ADAM9: variants seen among roughly 807,000 people sequenced by gnomAD.
The protein encoded by ADAM9 is disintegrin and metalloproteinase domain-containing protein 9.
In ADAM9, 54 loss-of-function variants were observed where a neutral mutation model predicts 108.1. The ratio of observed to expected loss-of-function variants is 0.50; its 90% CI spans 0.40 to 0.63. The LOEUF is 0.63. ADAM9 is among the 20% of genes least tolerant of loss of function. The probability of loss-of-function intolerance (pLI) is 0.00; values close to 1 mark genes in which losing one functional copy is unlikely to be tolerated. For missense variants in ADAM9, 830 were observed against 997.7 expected, an observed-to-expected ratio of 0.83 and a Z score of 2.26; for synonymous variants, 316 against 336.0, an observed-to-expected ratio of 0.94 and a Z score of 0.65.
chr8:39,022,965 G>C (rs1453424415), intron 8 of ADAM9, among the ~76,000 whole-genome samples, 191 bp from the exon 9 acceptor site: 2 of 152,014 alleles, frequency 1.3e-5, no homozygotes, highest in African/African-American at 2.4e-5. Flanking sequence ...CAACTGCCTC[G>C]GCCTCCCAAA....
chr8:39,049,629 G>A (rs952778721), intron 12 of ADAM9, among the ~76,000 whole-genome samples: 3 of 151,754 alleles, frequency 2.0e-5, no homozygotes, highest in Non-Finnish European at 4.4e-5. Flanking sequence ...AGTGGAGATG[G>A]GGTTTTACCA....
intron 18 of ADAM9, among the ~76,000 whole-genome samples, chr8:39,087,659 G>A (rs950356801): frequency 6.6e-6 from 1 of 152,194 alleles, no homozygotes; most frequent in Non-Finnish European, 1.5e-5. Flanking sequence ...ATACATTTGT[G>A]TAATGCCACT....
At chr8:39,011,764 G>A in intron 3 of ADAM9, 48 bp downstream of exon 3, 1 of 1,505,234 alleles carries the variant, frequency 6.6e-7, no homozygotes, top group Non-Finnish European at 9.2e-7. Flanking sequence ...TTTTCCAATA[G>A]TATATTGGTT....
intron 11 of ADAM9, among the ~76,000 whole-genome samples, chr8:39,039,959 C>T (rs1837406841): frequency 6.6e-6 from 1 of 152,180 alleles, no homozygotes; most frequent in Non-Finnish European, 1.5e-5. Context: ...CTATTGTTTT[C>T]CACAGTGGCT....
At chr8:39,023,735 C>CGTTT in intron 9 of ADAM9, among the ~76,000 whole-genome samples, 1 of 133,752 alleles carries the variant, frequency 7.5e-6, no homozygotes, top group African/African-American at 2.9e-5. Flanking sequence ...GTTTCTTTTG[C>CGTTT]GTTTGTTTTT....
chr8:39,078,773 T>A (rs560288274), intron 16 of ADAM9, among the ~76,000 whole-genome samples: 7 of 152,098 alleles, frequency 4.6e-5, no homozygotes, highest in Non-Finnish European at 1.0e-4. Flanking sequence ...AAAGTGAGAC[T>A]CCCATCTAAA....
chr8:39,001,925 C>T (rs1836004982), intron 1 of ADAM9, among the ~76,000 whole-genome samples: 1 of 151,810 alleles, frequency 6.6e-6, no homozygotes, highest in Admixed American at 6.6e-5. Context: ...GCCTCGGCCT[C>T]CCAAAGTGCT....
At chr8:39,070,287 T>G (rs1838642231) in intron 14 of ADAM9, among the ~76,000 whole-genome samples, 1 of 152,160 alleles carries the variant, frequency 6.6e-6, no homozygotes, top group Admixed American at 6.5e-5. Context: ...ATTTAAACAG[T>G]CAACAGTGTT....
In ADAM9 at chr8:39,045,076, GTGTGTGCATACATACA is replaced by G. The variant is rs1312276251; in HGVS notation, c.1302+2961_1302+2976del. On this transcript the variant is annotated intron_variant, in intron 12 of 21. Coordinates refer to ENST00000487273, the MANE Select transcript of ADAM9 (RefSeq NM_003816.3). ...TGTGTGTGTGCATACATACATATGT[GTGTGTGCATACATACA>G]TATGTGTGTGTGCATACATACATAT... is the stretch of plus-strand genomic sequence containing the variant. Among the ~76,000 whole-genome samples the G allele has an allele frequency of 3.9e-3, 100 of 25,780 alleles. 18 individuals carry two copies. Among genetic ancestry groups the G allele is most frequent in the African/African-American group, 0.018 (99 of 5,578 alleles). 16.9% of individuals were successfully genotyped at this position (25,780 alleles called of 152,430 possible).
At chr8:39,006,771 G>A (rs1031592572) in intron 1 of ADAM9, among the ~76,000 whole-genome samples, 7 of 152,034 alleles carry the variant, frequency 4.6e-5, no homozygotes, top group Admixed American at 2.6e-4. Flanking sequence ...ATTCCATGCG[G>A]ATAGACTGAA....
At chr8:39,027,958 C>T (rs188138991) in intron 11 of ADAM9, among the ~76,000 whole-genome samples, 2 of 152,032 alleles carry the variant, frequency 1.3e-5, no homozygotes, top group East Asian at 1.9e-4. Context: ...TGTGTTGGTG[C>T]GTGCCTGTAG....
At position 39,045,297 on chromosome 8, in the gene ADAM9, C is replaced by T. The variant is rs1837668900; in HGVS notation, c.1302+3180C>T. Among the ~76,000 whole-genome samples the T allele has an allele frequency of 3.0e-5, 3 of 100,458 alleles. 1 individual carries two copies. The highest frequency in any genetic ancestry group is 2.8e-4 in the South Asian group (1 of 3,522). The allele number at this position is 100,458 out of a possible 152,430, so 65.9% of individuals were successfully genotyped here. A position where few individuals can be genotyped will look rare whatever the true frequency, so the allele number is the denominator to read the frequency against. ...ATACATATGTATATGTGTGTGTACA[C>T]CTATACATGTGTGTGTACACCTATA... On this transcript the variant is annotated intron_variant, in intron 12 of 21. Transcript: ENST00000487273.
intron 4 of ADAM9, chr8:39,014,245 G>GT: frequency 5.2e-6 from 3 of 577,630 alleles, no homozygotes; most frequent in Non-Finnish European, 9.1e-6. Flanking sequence ...GTACTCAGTA[G>GT]TTAAGGTTTT....
At chr8:39,036,847 A>T (rs1344114244) in intron 11 of ADAM9, among the ~76,000 whole-genome samples, 1 of 151,804 alleles carries the variant, frequency 6.6e-6, no homozygotes, top group African/African-American at 2.4e-5. Flanking sequence ...TTAGTTCTAT[A>T]GTCAATTCAT....
At chr8:39,100,316 C>T (rs1396013311) in intron 20 of ADAM9, among the ~76,000 whole-genome samples, 6 of 151,254 alleles carry the variant, frequency 4.0e-5, no homozygotes, top group South Asian at 2.1e-4. Flanking sequence ...GGTGAAACCC[C>T]GTCTCTACTA....
rs1332083118 is a variant in ADAM9 at position 39,060,352 on chromosome 8, C to G, written c.1591+4580C>G. On this transcript the variant is annotated intron_variant, in intron 14 of 21. Transcript: ENST00000487273. ...TGGGCTAAGCAGCAGAGCATCTTGC[C>G]TGACAGCCTGGACCTATTGCAGAGT... Among the ~76,000 whole-genome samples the G allele has an allele frequency of 2.0e-5, 3 of 152,186 alleles. No homozygotes were observed. In the South Asian group the frequency reaches 6.2e-4, roughly 32 times the overall value.
At chr8:39,082,945 G>A in intron 17 of ADAM9, 23 bp from the exon 18 acceptor site, 1 of 1,587,334 alleles carries the variant, frequency 6.3e-7, no homozygotes, top group South Asian at 1.1e-5. Context: ...ATTAACAAAA[G>A]TGGTATTTTG....
At chr8:39,054,420 TA>T in intron 12 of ADAM9, 60 bp from the exon 13 acceptor site, 1 of 1,407,844 alleles carries the variant, frequency 7.1e-7, no homozygotes, top group Non-Finnish European at 1.0e-6. Context: ...ATGAGAATTT[TA>T]TTAATGAGTA....
intron 15 of ADAM9, among the ~76,000 whole-genome samples, chr8:39,075,511 G>GTT (rs1237913780): frequency 6.6e-5 from 10 of 152,146 alleles, no homozygotes; most frequent in Non-Finnish European, 1.2e-4. Flanking sequence ...TTTTGTTTCT[G>GTT]TTAGTATTAT....
Sources: allele counts gnomAD v4.1 joint callset (sites outside exome capture counted in the v4.1 genomes callset), GRCh38; gene constraint gnomAD v4.1.1; transcripts MANE v1.5; gene names NCBI Gene and HGNC (gene_info 2026-07-23, HGNC 2026-07-21).